Variants in CAPN1 observed in about 807,000 individuals in gnomAD.
CAPN1 encodes calpain-1 catalytic subunit.
CAPN1 carries 77 observed loss-of-function variants against 105.2 expected under a neutral mutation model. That is an observed-to-expected ratio of 0.73 (90% CI 0.61 to 0.88). The LOEUF (loss-of-function observed/expected upper bound fraction) is 0.88, where lower values mean the gene tolerates loss of function less well. Ranked by LOEUF, CAPN1 falls within the 40% of genes least tolerant of loss-of-function variation. The pLI is 0.00. For missense variants in CAPN1, 833 were observed against 976.6 expected (o/e 0.85, Z 1.96); for synonymous variants, 355 against 388.8 (o/e 0.91, Z 1.02).
In CAPN1 at chr11:65,187,940, A is replaced by C. The variant is rs576942508; in HGVS notation, c.844-15A>C. ...CCTGCTGGAAGCTAGCACTGACAGG[A>C]GCTCTGGCAAATAGGTGAACTACCG... On this transcript the variant is annotated splice_polypyrimidine_tract_variant and intron_variant, in intron 7 of 21. Transcript: ENST00000279247. 3 of 1,540,970 alleles carry C rather than the reference A, an allele frequency of 1.9e-6. No homozygotes were observed. In the Admixed American group the frequency reaches 5.9e-5, roughly 30 times the overall value.
chr11:65,192,590 C>G (rs995719270), intron 10 of CAPN1, among the ~76,000 whole-genome samples: 1 of 151,768 alleles, frequency 6.6e-6, no homozygotes, highest in Non-Finnish European at 1.5e-5. Flanking sequence ...TTTCTTGAGC[C>G]AATTTTGATG....
intron 10 of CAPN1, among the ~76,000 whole-genome samples, chr11:65,199,974 C>T (rs1948844072): frequency 6.6e-6 from 1 of 152,180 alleles, no homozygotes; most frequent in South Asian, 2.1e-4. Flanking sequence ...TTTGAGTCCT[C>T]AGATAAAGTT....
intron 10 of CAPN1, among the ~76,000 whole-genome samples, chr11:65,196,785 T>C (rs1468066469): frequency 6.6e-6 from 1 of 152,226 alleles, no homozygotes. Flanking sequence ...AATTTTCTCA[T>C]AGTAAAAAAA....
At chr11:65,211,156 T>G (rs1224091560) in intron 21 of CAPN1, 104 bp from the exon 22 acceptor site, 2 of 1,284,442 alleles carry the variant, frequency 1.6e-6, no homozygotes, top group Non-Finnish European at 2.2e-6. Flanking sequence ...GTTCCTGAGG[T>G]GGCTCCTGAG....
Position 65,188,322 on chromosome 11 carries a change from C to T in CAPN1, c.930-92C>T, listed in dbSNP as rs559491494. On this transcript the variant is annotated intron_variant, in intron 8 of 21. Coordinates refer to ENST00000279247, the MANE Select transcript of CAPN1 (RefSeq NM_005186.4). The surrounding 1 kb of genome is among the most constrained non-coding windows in gnomAD (Gnocchi z 5.5). ...CTTGAGGAGGCCACCTGGGCTGGGC[C>T]GGGGGAAGACAGGCCAGGGTAGACA... is the stretch of plus-strand genomic sequence containing the variant. The T allele has an allele frequency of 3.8e-4, 451 of 1,193,094 alleles. No homozygotes were observed. The highest frequency in any genetic ancestry group is 1.3e-3 in the Admixed American group (61 of 46,762). 73.9% of individuals were successfully genotyped at this position (1,193,094 alleles called of 1,614,324 possible). A position where few individuals can be genotyped will look rare whatever the true frequency, so the allele number is the denominator to read the frequency against.
At chr11:65,201,513 T>C (rs1948868465) in intron 10 of CAPN1, among the ~76,000 whole-genome samples, 1 of 152,110 alleles carries the variant, frequency 6.6e-6, no homozygotes, top group Non-Finnish European at 1.5e-5. Context: ...TTTAATTTTC[T>C]TTCTTTCTTT....
In CAPN1 at chr11:65,195,100, G is replaced by GGT. The variant is rs1565403828; in HGVS notation, c.1165+6354_1165+6355insGT. ...AGTGGTATCACTGAAGTTTTTTGGGGTTTTTTTTTTTTTTTTTTTTTTTTT... is the reference window on the plus strand; with the variant it reads ...AGTGGTATCACTGAAGTTTTTTGGGGGTTTTTTTTTTTTTTTTTTTTTTTTTT... On this transcript the variant is annotated intron_variant, in intron 10 of 21. Coordinates refer to ENST00000279247, the MANE Select transcript of CAPN1 (RefSeq NM_005186.4). 3.5e-3 allele frequency among the ~76,000 whole-genome samples: 317 copies of GGT among 90,846 alleles called. 4 individuals carry two copies. Among genetic ancestry groups the GGT allele is most frequent in the East Asian group, 7.9e-3 (25 of 3,166 alleles). 59.6% of individuals were successfully genotyped at this position (90,846 alleles called of 152,430 possible).
chr11:65,187,674 G>A, intron 7 of CAPN1: 1 of 450,048 alleles, frequency 2.2e-6, no homozygotes, highest in South Asian at 2.1e-5. Context: ...ATCACCTGAG[G>A]TCAGGAGTTC....
At position 65,185,904 on chromosome 11, in the gene CAPN1, C is replaced by T. The variant is rs770346759; in HGVS notation, c.457-13C>T. On this transcript the variant is annotated splice_polypyrimidine_tract_variant and intron_variant, in intron 4 of 21. Coordinates refer to ENST00000279247, the MANE Select transcript of CAPN1 (RefSeq NM_005186.4). ...ATTCCAAAGCAGGTACTCACCGTGCCCCTCCCCCACAGCTGTGGCAATTTG... is the reference window on the plus strand; with the variant it reads ...ATTCCAAAGCAGGTACTCACCGTGCTCCTCCCCCACAGCTGTGGCAATTTG... The T allele has an allele frequency of 4.0e-5, 63 of 1,572,996 alleles. 1 individual carries two copies. The South Asian group carries it at 5.5e-4, about 14-fold the overall frequency.
chr11:65,183,205 C>T lies in CAPN1; in HGVS notation c.337+8C>T, dbSNP rs779190441. ...TCTGCCAGGGAGCACTGGGTAGGCC[C>T]CCAGGGCGTCGGGTCCCGGGTATTT... is the stretch of plus-strand genomic sequence containing the variant. On this transcript the variant is annotated splice_region_variant and intron_variant, in intron 3 of 21. Transcript: ENST00000279247. 3 of 1,613,626 alleles carry T rather than the reference C, an allele frequency of 1.9e-6. No homozygotes were observed. Among genetic ancestry groups the T allele is most frequent in the Admixed American group, 1.7e-5 (1 of 60,020 alleles).
At chr11:65,195,172 C>T (rs868698347) in intron 10 of CAPN1, among the ~76,000 whole-genome samples, 18 of 148,336 alleles carry the variant, frequency 1.2e-4, no homozygotes, top group African/African-American at 4.5e-4. Context: ...TGCAGTGGCG[C>T]CATCTCAGCT....
At chr11:65,202,895 C>A (rs1159044865) in intron 10 of CAPN1, among the ~76,000 whole-genome samples, 1 of 152,170 alleles carries the variant, frequency 6.6e-6, no homozygotes, top group Non-Finnish European at 1.5e-5. Context: ...GACTCCCCAG[C>A]CCTCCCAGCA....
Position 65,204,836 on chromosome 11 carries a change from C to G in CAPN1, c.1319C>G (p.Thr440Ser). ...CGCCGCTTCGGCCGCGACATGGAGACTATTGGCTTCGCGGTCTACGAGGTC... is the reference window on the plus strand; with the variant it reads ...CGCCGCTTCGGCCGCGACATGGAGAGTATTGGCTTCGCGGTCTACGAGGTC... ...RERRFGRDMETIGFAVYEVPP... is the reference protein window; with the variant it reads ...RERRFGRDMESIGFAVYEVPP... Residue 440 changes from threonine (T) to serine (S), a missense_variant, in exon 11 of 22, where the codon ACT (threonine) becomes AGT (serine). Physicochemically the swap from Thr to Ser is moderately conservative, Grantham distance 58. Transcript: ENST00000279247. 1.2e-6 allele frequency: 2 copies of G among 1,610,084 alleles called. No homozygotes were observed. The highest frequency in any genetic ancestry group is 1.7e-6 in the Non-Finnish European group (2 of 1,177,670).
Position 65,182,683 on chromosome 11 carries a change from G to A in CAPN1, c.-1-18G>A. The A allele has an allele frequency of 6.6e-7, 1 of 1,525,178 alleles. No homozygotes were observed. Among genetic ancestry groups the A allele is most frequent in the East Asian group, 2.4e-5 (1 of 42,066 alleles). 94.5% of individuals were successfully genotyped at this position (1,525,178 alleles called of 1,614,324 possible). On this transcript the variant is annotated intron_variant, in intron 1 of 21. Transcript: ENST00000279247. The stretch of plus-strand genomic sequence containing the variant: ...CTTGGGAAGGCCTGGGTTCTGAGCA[G>A]GCCCATCTGTCCGGCAGGATGTCGG...
At position 65,209,164 on chromosome 11, in the gene CAPN1, TC is replaced by T; in HGVS notation, c.1730-157del. 1.6e-6 allele frequency: 1 copy of T among 633,548 alleles called. No homozygotes were observed. The highest frequency in any genetic ancestry group is 2.9e-6 in the Non-Finnish European group (1 of 346,302). 39.2% of individuals were successfully genotyped at this position (633,548 alleles called of 1,614,324 possible). The stretch of plus-strand genomic sequence containing the variant: ...ATTGCTAAAATACTTTACTTGTACT[TC>T]CTGATGATACAAACAATCCTGCCCA... On this transcript the variant is annotated intron_variant, in intron 16 of 21. Transcript: ENST00000279247. The surrounding 1 kb of genome is among the most constrained non-coding windows in gnomAD (Gnocchi z 4.1).
chr11:65,187,943 T>G lies in CAPN1; in HGVS notation c.844-12T>G. The G allele has an allele frequency of 6.5e-7, 1 of 1,547,056 alleles. No individual in the cohort carries two copies. On this transcript the variant is annotated splice_polypyrimidine_tract_variant and intron_variant, in intron 7 of 21. Coordinates refer to ENST00000279247, the MANE Select transcript of CAPN1 (RefSeq NM_005186.4). The stretch of plus-strand genomic sequence containing the variant: ...GCTGGAAGCTAGCACTGACAGGAGC[T>G]CTGGCAAATAGGTGAACTACCGAGG...
In CAPN1 at chr11:65,188,790, G is replaced by A; in HGVS notation, c.1165+44G>A. On this transcript the variant is annotated intron_variant, in intron 10 of 21. Transcript: ENST00000279247. The surrounding 1 kb of genome is among the most constrained non-coding windows in gnomAD (Gnocchi z 5.5). Reference sequence around the variant, plus strand: ...TGGGTCTTGCTGCTTCCTGGCTTAGGGGCTCCAGAAGGCACGTCATCTTAC... The same window carrying A: ...TGGGTCTTGCTGCTTCCTGGCTTAGAGGCTCCAGAAGGCACGTCATCTTAC... 3 of 1,518,308 alleles carry A rather than the reference G, an allele frequency of 2.0e-6. No individual in the cohort carries two copies. 94.1% of individuals were successfully genotyped at this position (1,518,308 alleles called of 1,614,324 possible). A position where few individuals can be genotyped will look rare whatever the true frequency, so the allele number is the denominator to read the frequency against.
rs574833888 is a variant in CAPN1, at chr11:65,189,270, C to T, written c.1165+524C>T. ...TCCTGACCTCAGGTGATCCGACCAC[C>T]TTGGCCTCCCAAAGTGCTGGGATTA... On this transcript the variant is annotated intron_variant, in intron 10 of 21. Transcript: ENST00000279247. Among the ~76,000 whole-genome samples, 4 of 152,350 alleles carry T rather than the reference C, an allele frequency of 2.6e-5. No individual in the cohort carries two copies. In the East Asian group the frequency reaches 7.7e-4, roughly 29 times the overall value.
intron 4 of CAPN1, among the ~76,000 whole-genome samples, chr11:65,184,526 G>GTCC (rs1948604382): frequency 6.8e-6 from 1 of 147,494 alleles, no homozygotes; most frequent in African/African-American, 2.5e-5. Context: ...GGTACCTCGA[G>GTCC]TCCTTGGTCG....
Sources: gnomAD v4.1 joint callset for allele counts (sites outside exome capture counted in the v4.1 genomes callset) on GRCh38, gnomAD v4.1.1 for gene constraint, Gnocchi (gnomAD v3.1) non-coding constraint, MANE v1.5 for transcripts, NCBI Gene and HGNC (gene_info 2026-07-23, HGNC 2026-07-21) for gene names.